EYA1: variants seen among roughly 807,000 people sequenced by gnomAD.
EYA1 encodes the protein protein phosphatase EYA1.
Under a neutral mutation model 82.0 loss-of-function variants are expected in EYA1, and 16 were observed. That is an observed-to-expected ratio of 0.20 (90% CI 0.13 to 0.30). EYA1 has a LOEUF of 0.30. EYA1 is among the 10% of genes least tolerant of loss of function. The pLI, the probability that EYA1 is intolerant of heterozygous loss-of-function variation, is 1.00. For synonymous variants in EYA1, 261 were observed against 264.4 expected (o/e 0.99, Z 0.12); for missense variants, 633 against 730.7 (o/e 0.87, Z 1.54).
At chr8:71,436,407 G>T (rs749992314) in intron 2 of EYA1, among the ~76,000 whole-genome samples, 2 of 151,966 alleles carry the variant, frequency 1.3e-5, no homozygotes, top group South Asian at 4.1e-4. Flanking sequence ...TTGCCTTTCC[G>T]CAACAGTACC....
At chr8:71,309,373 AAAAT>A (rs1563439857) in intron 7 of EYA1, among the ~76,000 whole-genome samples, 3 of 151,440 alleles carry the variant, frequency 2.0e-5, no homozygotes, top group Admixed American at 1.3e-4. Context: ...AAAAAAAAAA[AAAAT>A]CTAGAACATA....
At chr8:71,329,730 G>A (rs1016862673) in intron 4 of EYA1, among the ~76,000 whole-genome samples, 12 of 152,142 alleles carry the variant, frequency 7.9e-5, no homozygotes, top group Non-Finnish European at 4.4e-5. Flanking sequence ...TACTGTTGTA[G>A]GTGTCAGGGA....
intron 2 of EYA1, among the ~76,000 whole-genome samples, chr8:71,507,757 T>G (rs1812303465): frequency 6.6e-6 from 1 of 152,162 alleles, no homozygotes; most frequent in African/African-American, 2.4e-5. Context: ...TGCAAACCAG[T>G]GGGTATAGTG....
At chr8:71,221,345 C>A (rs759735881) in intron 12 of EYA1, among the ~76,000 whole-genome samples, 1 of 152,006 alleles carries the variant, frequency 6.6e-6, no homozygotes, top group Admixed American at 6.6e-5. Context: ...TACAAAGGAA[C>A]CCCGGGGGCT....
rs1806493900 is a variant in EYA1 at position 71,198,260 on chromosome 8, A to G, written c.*1080T>C. On this transcript the variant is annotated 3_prime_UTR_variant, in exon 18 of 18. Transcript: ENST00000340726. The stretch of plus-strand genomic sequence containing the variant: ...TTTTCCAAGTAGTTACATATAATAC[A>G]TTAGTGTGGAAATGAAAAAGTGAGG... 1 of 152,652 alleles carries G rather than the reference A, an allele frequency of 6.6e-6. No homozygotes were observed. The highest frequency in any genetic ancestry group is 6.5e-5 in the Admixed American group (1 of 15,286). The allele number at this position is 152,652 out of a possible 1,614,324, so 9.5% of individuals were successfully genotyped here.
At chr8:71,207,068 T>C (rs1403739303) in intron 17 of EYA1, among the ~76,000 whole-genome samples, 1 of 152,226 alleles carries the variant, frequency 6.6e-6, no homozygotes, top group African/African-American at 2.4e-5. Context: ...TTTTGTTACT[T>C]ACTAATATTA....
chr8:71,505,697 A>T (rs1479359246), intron 2 of EYA1, among the ~76,000 whole-genome samples: 2 of 152,154 alleles, frequency 1.3e-5, no homozygotes, highest in African/African-American at 4.8e-5. Context: ...TTCCAGAAAT[A>T]TTGGCCCCTT....
chr8:71,276,584 G>A (rs1190282965), intron 9 of EYA1, among the ~76,000 whole-genome samples: 1 of 152,112 alleles, frequency 6.6e-6, no homozygotes, highest in East Asian at 1.9e-4. Context: ...AAGTTCTGTG[G>A]TTTTTACTCC....
At chr8:71,519,058 C>T (rs1488287627) in intron 2 of EYA1, among the ~76,000 whole-genome samples, 1 of 152,114 alleles carries the variant, frequency 6.6e-6, no homozygotes, top group East Asian at 1.9e-4. Context: ...TTTCTACTGC[C>T]AATTTATTTT....
At chr8:71,441,141 T>C (rs1806406056) in intron 2 of EYA1, among the ~76,000 whole-genome samples, 1 of 152,158 alleles carries the variant, frequency 6.6e-6, no homozygotes, top group South Asian at 2.1e-4. Context: ...ATAATAGTCA[T>C]AAACAGGAGA....
chr8:71,385,035 C>T (rs1828901180), intron 2 of EYA1, among the ~76,000 whole-genome samples: 1 of 151,410 alleles, frequency 6.6e-6, no homozygotes, highest in African/African-American at 2.4e-5. Context: ...TTTGAGACAG[C>T]GTCTCACTCT....
intron 2 of EYA1, among the ~76,000 whole-genome samples, chr8:71,472,526 G>T (rs1199775985): frequency 6.6e-6 from 1 of 151,842 alleles, no homozygotes; most frequent in African/African-American, 2.4e-5. Flanking sequence ...ATAGTAAAAA[G>T]CAGCCATTAT....
At chr8:71,338,020 G>T (rs1050678567) in intron 3 of EYA1, among the ~76,000 whole-genome samples, 1 of 152,210 alleles carries the variant, frequency 6.6e-6, no homozygotes, top group African/African-American at 2.4e-5. Flanking sequence ...TAGGTCCAGG[G>T]CCCATGCTTT....
At chr8:71,335,774 C>T (rs375366945) in intron 3 of EYA1, among the ~76,000 whole-genome samples, 18 of 152,074 alleles carry the variant, frequency 1.2e-4, no homozygotes, top group African/African-American at 4.3e-4. Flanking sequence ...CTTAGCTGTC[C>T]ACATCATACC....
At position 71,281,351 on chromosome 8, in the gene EYA1, C is replaced by T. The variant is rs1359411923; in HGVS notation, c.827-9454G>A. ...CTCTGTCCCACCATTCGGCACCTTT[C>T]TCCTCCTACAGCAGGGATTTGTGGT... On this transcript the variant is annotated intron_variant, in intron 9 of 17. Coordinates refer to ENST00000340726, the MANE Select transcript of EYA1 (RefSeq NM_000503.6). Among the ~76,000 whole-genome samples, 3 of 152,196 alleles carry T rather than the reference C, an allele frequency of 2.0e-5. No individual in the cohort carries two copies. The South Asian group carries it at 6.2e-4, about 31-fold the overall frequency.
In EYA1 at chr8:71,348,529, G is replaced by A. The variant is rs1301730348; in HGVS notation, c.124+6253C>T. Among the ~76,000 whole-genome samples the A allele has an allele frequency of 2.0e-5, 3 of 152,198 alleles. No homozygotes were observed. The East Asian group carries it at 5.8e-4, about 29-fold the overall frequency. On this transcript the variant is annotated intron_variant, in intron 3 of 17. Coordinates refer to ENST00000340726, the MANE Select transcript of EYA1 (RefSeq NM_000503.6). ...AGTAGGGAAAAGCTGTCTACATCTA[G>A]ACCTTAGTTATCAGCAAGCCTAGCT...
chr8:71,303,165 C>T (rs972980843), intron 7 of EYA1, among the ~76,000 whole-genome samples: 2 of 141,998 alleles, frequency 1.4e-5, no homozygotes, highest in East Asian at 2.1e-4. Flanking sequence ...ATTTGAAATC[C>T]GCTTTCTCAG....
intron 2 of EYA1, among the ~76,000 whole-genome samples, chr8:71,530,686 A>G (rs1479155424): frequency 1.3e-5 from 2 of 152,210 alleles, no homozygotes; most frequent in African/African-American, 4.8e-5. Flanking sequence ...TTTCTATTAA[A>G]AAATAAATAA....
chr8:71,423,172 C>T (rs1586688176), intron 2 of EYA1, among the ~76,000 whole-genome samples: 1 of 152,016 alleles, frequency 6.6e-6, no homozygotes, highest in Non-Finnish European at 1.5e-5. Context: ...ATGGGGGTGT[C>T]TTTGCTATCA....
Sources: allele counts gnomAD v4.1 joint callset (sites outside exome capture counted in the v4.1 genomes callset), GRCh38; gene constraint gnomAD v4.1.1; transcripts MANE v1.5; gene names NCBI Gene and HGNC (gene_info 2026-07-23, HGNC 2026-07-21).